The following ADAMTS16 variants were observed in gnomAD, a reference collection of about 807,000 sequenced individuals.
The protein encoded by ADAMTS16 is ADAM metallopeptidase with thrombospondin type 1 motif 16.
Under a neutral mutation model 145.8 loss-of-function variants are expected in ADAMTS16, and 94 were observed. The observed-to-expected ratio is 0.64, with a 90% CI of 0.55 to 0.77. The LOEUF (loss-of-function observed/expected upper bound fraction) is 0.77. ADAMTS16 is among the 30% of genes least tolerant of loss of function. The pLI is 0.00. For synonymous variants in ADAMTS16, 659 were observed against 604.3 expected, an observed-to-expected ratio of 1.09 and a Z score of -1.33; for missense variants, 1,585 against 1,591.5, an observed-to-expected ratio of 1.00 and a Z score of 0.07.
chr5:5,281,668 AC>A (rs1158763501), intron 18 of ADAMTS16, among the ~76,000 whole-genome samples: 1 of 152,098 alleles, frequency 6.6e-6, no homozygotes, highest in Non-Finnish European at 1.5e-5. Context: ...TGTATTTAAA[AC>A]ATGTGTAGAT....
At position 5,163,699 on chromosome 5, in the gene ADAMTS16, C is replaced by T. The variant is rs1048658069; in HGVS notation, c.501+17244C>T. Among the ~76,000 whole-genome samples the T allele has an allele frequency of 2.6e-5, 4 of 152,280 alleles. No individual in the cohort carries two copies. In the South Asian group the frequency reaches 8.3e-4, roughly 32 times the overall value. The stretch of plus-strand genomic sequence containing the variant: ...TGGTTGTTGTACTCAGTATTGCTTT[C>T]GATATTTATCTATTTGCCATCAGAA... On this transcript the variant is annotated intron_variant, in intron 3 of 22. Coordinates refer to ENST00000274181, the MANE Select transcript of ADAMTS16 (RefSeq NM_139056.4).
Position 5,146,164 on chromosome 5 carries a change from C to T in ADAMTS16, c.210C>T (p.His70=), listed in dbSNP as rs1352033568. The change falls in exon 3 of 23, where the codon CAC becomes CAT. Residue 70 remains histidine (H), a synonymous_variant. Transcript: ENST00000274181. ...YDLVSAYEVD[H]RGDYVSHEIM... ...TGGTCTCTGCCTACGAGGTTGACCACAGGGGCGATTACGTGTCCCATGAAA... is the reference window on the plus strand; with the variant it reads ...TGGTCTCTGCCTACGAGGTTGACCATAGGGGCGATTACGTGTCCCATGAAA... The T allele has an allele frequency of 1.2e-6, 2 of 1,614,054 alleles. No homozygotes were observed. The highest frequency in any genetic ancestry group is 2.7e-5 in the African/African-American group (2 of 74,916).
At chr5:5,309,310 G>A (rs754371758) in intron 21 of ADAMTS16, among the ~76,000 whole-genome samples, 2 of 152,104 alleles carry the variant, frequency 1.3e-5, no homozygotes, top group African/African-American at 2.4e-5. Flanking sequence ...TAAGTGGTGC[G>A]CTTTTTGGAA....
At chr5:5,275,800 G>T (rs185925606) in intron 18 of ADAMTS16, among the ~76,000 whole-genome samples, 8 of 151,306 alleles carry the variant, frequency 5.3e-5, no homozygotes, top group Non-Finnish European at 2.9e-5. Context: ...TGTGTCATTG[G>T]GTTTACCTAT....
At chr5:5,156,791 T>A (rs186342423) in intron 3 of ADAMTS16, among the ~76,000 whole-genome samples, 9 of 152,318 alleles carry the variant, frequency 5.9e-5, no homozygotes, top group Admixed American at 2.6e-4. Context: ...AAATCACTTC[T>A]GAAGGAGAAG....
At chr5:5,216,689 C>T (rs2126334225) in intron 10 of ADAMTS16, among the ~76,000 whole-genome samples, 1 of 148,674 alleles carries the variant, frequency 6.7e-6, no homozygotes. Flanking sequence ...ATGTGCCATG[C>T]TGGTGCGCTG....
At chr5:5,276,774 A>G (rs1424131729) in intron 18 of ADAMTS16, among the ~76,000 whole-genome samples, 1 of 152,116 alleles carries the variant, frequency 6.6e-6, no homozygotes, top group African/African-American at 2.4e-5. Context: ...ACCCAGCACA[A>G]CTGGCCCCGG....
intron 6 of ADAMTS16, among the ~76,000 whole-genome samples, chr5:5,188,616 C>T (rs1356813123): frequency 6.6e-6 from 1 of 152,172 alleles, no homozygotes; most frequent in Non-Finnish European, 1.5e-5. Flanking sequence ...TTTTCAGAGT[C>T]TCCTTTTAGC....
At chr5:5,318,924 G>A (rs569658435) in intron 22 of ADAMTS16, 99 bp from the exon 23 acceptor site, 18 of 853,844 alleles carry the variant, frequency 2.1e-5, no homozygotes, top group Admixed American at 8.2e-5. Context: ...GCCGCAGAGC[G>A]TGACAAATTC....
intron 18 of ADAMTS16, among the ~76,000 whole-genome samples, chr5:5,298,988 G>T (rs1027778914): frequency 6.6e-6 from 1 of 151,932 alleles, no homozygotes; most frequent in African/African-American, 2.4e-5. Flanking sequence ...AAGAGGCACC[G>T]CCTAGCGAAT....
intron 11 of ADAMTS16, among the ~76,000 whole-genome samples, chr5:5,229,112 C>T (rs1450175746): frequency 1.3e-5 from 2 of 151,786 alleles, no homozygotes; most frequent in African/African-American, 4.8e-5. Flanking sequence ...TCCTGGCTAA[C>T]ACGGTGAAAC....
At chr5:5,257,347 A>C (rs144916462) in intron 17 of ADAMTS16, among the ~76,000 whole-genome samples, 733 of 152,334 alleles carry the variant, frequency 4.8e-3, no homozygotes, top group Non-Finnish European at 7.1e-3. Flanking sequence ...AAACTAATCC[A>C]TGCATGCTAC....
intron 3 of ADAMTS16, among the ~76,000 whole-genome samples, chr5:5,148,144 T>C (rs10462801): frequency 0.56 from 85,752 of 152,128 alleles, 24,973 homozygotes; most frequent in Middle Eastern, 0.79. Context: ...ACTGTAGCTG[T>C]TGGAAGAGAA....
chr5:5,145,242 A>G (rs1734262501), intron 2 of ADAMTS16, among the ~76,000 whole-genome samples: 1 of 152,370 alleles, frequency 6.6e-6, no homozygotes, highest in Admixed American at 6.5e-5. Flanking sequence ...GAATAATTAA[A>G]ATACATACAT....
rs778918550 is a variant in ADAMTS16, at chr5:5,242,158, G to C, written c.2629G>C (p.Val877Leu). Residue 877 changes from valine to leucine, a missense_variant, in exon 17 of 23, where the codon GTG becomes CTG. Physicochemically the swap from Val to Leu is conservative, Grantham distance 32. This residue lies in a region of ADAMTS16 where 834 missense variants were observed against 811.7 expected (regional missense o/e 1.03). Transcript: ENST00000274181. ...PAQPSYTWAI[V>L]RSECSVSCGG... ...CCAGCCCAGCTACACTTGGGCCATCGTGCGCTCTGAGTGCTCCGTGTCCTG... is the reference window on the plus strand; with the variant it reads ...CCAGCCCAGCTACACTTGGGCCATCCTGCGCTCTGAGTGCTCCGTGTCCTG... 3.7e-6 allele frequency: 6 copies of C among 1,614,120 alleles called. No homozygotes were observed. The African/African-American group carries it at 5.3e-5, about 14-fold the overall frequency.
intron 20 of ADAMTS16, among the ~76,000 whole-genome samples, chr5:5,305,194 AACAC>A (rs1561000591): frequency 5.3e-5 from 2 of 38,028 alleles, no homozygotes; most frequent in Admixed American, 2.4e-4. Flanking sequence ...TCCCACACCA[AACAC>A]ACACACATCC....
intron 3 of ADAMTS16, among the ~76,000 whole-genome samples, chr5:5,176,863 G>C (rs1332775325): frequency 6.6e-6 from 1 of 152,214 alleles, no homozygotes; most frequent in Non-Finnish European, 1.5e-5. Flanking sequence ...ATCTGAGACA[G>C]TATTTGTGGG....
chr5:5,283,612 C>G (rs16875228), intron 18 of ADAMTS16, among the ~76,000 whole-genome samples: 10,293 of 152,166 alleles, frequency 0.068, 389 homozygotes, highest in South Asian at 0.12. Flanking sequence ...AAGGTGTAAA[C>G]TCACGAGACC....
At chr5:5,160,441 A>G (rs1178130472) in intron 3 of ADAMTS16, among the ~76,000 whole-genome samples, 1 of 152,104 alleles carries the variant, frequency 6.6e-6, no homozygotes, top group African/African-American at 2.4e-5. Flanking sequence ...AGTACTTTGA[A>G]GTTTGCTGTG....
Sources: gnomAD v4.1 joint callset for allele counts (sites outside exome capture counted in the v4.1 genomes callset) on GRCh38, gnomAD v4.1.1 for gene constraint, gnomAD v4.1.1 regional missense constraint, MANE v1.5 for transcripts, NCBI Gene and HGNC (gene_info 2026-07-23, HGNC 2026-07-21) for gene names.